Variants in SCN2A observed in about 807,000 individuals in gnomAD.
SCN2A encodes the protein sodium voltage-gated channel alpha subunit 2, also known as sodium channel protein type 2 subunit alpha.
SCN2A carries 20 observed loss-of-function variants against 188.7 expected under a neutral mutation model. That is an observed-to-expected ratio of 0.11 (90% CI 0.07 to 0.15). The LOEUF (loss-of-function observed/expected upper bound fraction) is 0.15. Ranked by LOEUF, SCN2A falls within the 10% of genes least tolerant of loss-of-function variation. The pLI, the probability that SCN2A is intolerant of heterozygous loss-of-function variation, is 1.00. For missense variants in SCN2A, 1,278 were observed against 2,445.0 expected, an observed-to-expected ratio of 0.52 and a Z score of 10.07; for synonymous variants, 804 against 833.1, an observed-to-expected ratio of 0.97 and a Z score of 0.60.
intron 1 of SCN2A, among the ~76,000 whole-genome samples, chr2:165,288,637 A>T (rs1415188104): frequency 6.6e-6 from 1 of 151,932 alleles, no homozygotes; most frequent in Non-Finnish European, 1.5e-5. Flanking sequence ...AAAACACGTA[A>T]GTCTGGTTGT....
In SCN2A at chr2:165,373,332, G is replaced by A. The variant is rs528029184; in HGVS notation, c.3957G>A (p.Arg1319=). The change falls in exon 21 of 27, where the codon CGG becomes CGA. Residue 1319 remains arginine (R), a synonymous_variant. Coordinates refer to ENST00000375437, the MANE Select transcript of SCN2A (RefSeq NM_001040142.2). Reference sequence around the variant, plus strand: ...TGAGGCCACTGAGAGCTTTGTCCCGGTTTGAAGGAATGAGGGTAAGACTGA... The same window carrying A: ...TGAGGCCACTGAGAGCTTTGTCCCGATTTGAAGGAATGAGGGTAAGACTGA... ...RALRPLRALS[R]FEGMRVVVNA... 6.2e-7 allele frequency: 1 copy of A among 1,613,250 alleles called. No individual in the cohort carries two copies. The highest frequency in any genetic ancestry group is 1.3e-5 in the African/African-American group (1 of 74,984).
intron 1 of SCN2A, chr2:165,274,420 C>T (rs1414046970): frequency 1.3e-5 from 2 of 149,890 alleles, no homozygotes; most frequent in Non-Finnish European, 3.0e-5. Context: ...ATTGAGTGAA[C>T]CGAGGAACAG....
At chr2:165,377,671 A>G in intron 23 of SCN2A, 21 bp downstream of exon 23, 4 of 1,585,490 alleles carry the variant, frequency 2.5e-6, no homozygotes, top group Non-Finnish European at 3.5e-6. Flanking sequence ...TTAGAGGGAA[A>G]TTGTTTAGTT....
chr2:165,311,634 A>C (rs1258123828), intron 7 of SCN2A, among the ~76,000 whole-genome samples: 1 of 152,102 alleles, frequency 6.6e-6, no homozygotes, highest in East Asian at 1.9e-4. Flanking sequence ...TATGTAAGGT[A>C]AAATTTATTT....
At chr2:165,240,952 T>C (rs1311862413) in intron 1 of SCN2A, 1 of 152,170 alleles carries the variant, frequency 6.6e-6, no homozygotes, top group Non-Finnish European at 1.5e-5. Context: ...CCCATTATCA[T>C]TTAAAGAAAA....
chr2:165,367,129 GTAA>G, intron 18 of SCN2A, 85 bp from the exon 19 acceptor site: 1 of 1,224,780 alleles, frequency 8.2e-7, no homozygotes, highest in South Asian at 1.2e-5. Context: ...GTATTATCAG[GTAA>G]TAATGTAAAT....
chr2:165,357,703 C>G (rs1267556338), intron 17 of SCN2A, among the ~76,000 whole-genome samples: 1 of 152,144 alleles, frequency 6.6e-6, no homozygotes, highest in African/African-American at 2.4e-5. Context: ...GCTTGAATGA[C>G]TATTTTTCGA....
At chr2:165,365,451 A>G (rs556397442) in intron 18 of SCN2A, among the ~76,000 whole-genome samples, 188 bp downstream of exon 18, 3 of 131,628 alleles carry the variant, frequency 2.3e-5, no homozygotes, top group Non-Finnish European at 4.9e-5. Flanking sequence ...TTTTTTTTGC[A>G]TTTGCTGTTT....
intron 3 of SCN2A, among the ~76,000 whole-genome samples, chr2:165,306,511 T>C (rs1697144202): frequency 2.7e-4 from 1 of 3,714 alleles, no homozygotes; most frequent in Non-Finnish European, 1.1e-3. Context: ...ATTTTGTGTG[T>C]GTGTGTGTGT....
chr2:165,375,368 A>AGT (rs3030660), intron 22 of SCN2A, among the ~76,000 whole-genome samples: 47,653 of 149,624 alleles, frequency 0.32, 7,878 homozygotes, highest in Admixed American at 0.41. Context: ...GATAAAGAAA[A>AGT]GTGTGTGTGT....
At position 165,344,600 on chromosome 2, in the gene SCN2A, C is replaced by T; in HGVS notation, c.2608C>T (p.Leu870=). The change falls in exon 16 of 27, where the codon CTA becomes TTA. Residue 870 remains leucine (L), a synonymous_variant. Transcript: ENST00000375437. ...LAKSWPTLNM[L]IKIIGNSVGA... Reference sequence around the variant, plus strand: ...AAAATCTTGGCCAACTCTAAATATGCTAATTAAGATCATTGGCAATTCTGT... The same window carrying T: ...AAAATCTTGGCCAACTCTAAATATGTTAATTAAGATCATTGGCAATTCTGT... The T allele has an allele frequency of 1.9e-6, 3 of 1,614,078 alleles. No homozygotes were observed. In the South Asian group the frequency reaches 3.3e-5, roughly 18 times the overall value.
chr2:165,313,169 C>T (rs895565316), intron 8 of SCN2A, among the ~76,000 whole-genome samples: 3 of 152,024 alleles, frequency 2.0e-5, no homozygotes, highest in Admixed American at 6.6e-5. Context: ...CTTCAAGGTC[C>T]TCCTATGACA....
At chr2:165,291,351 CGTTCCTT>C (rs1487566054) in intron 1 of SCN2A, among the ~76,000 whole-genome samples, 5 of 29,136 alleles carry the variant, frequency 1.7e-4, no homozygotes, top group South Asian at 8.7e-4. Context: ...GTCTGTCGTT[CGTTCCTT>C]CCTTCCTTCC....
rs533641406 is a variant in SCN2A at position 165,377,929 on chromosome 2, T to C, written c.4308+279T>C. Among the ~76,000 whole-genome samples, 3 of 151,994 alleles carry C rather than the reference T, an allele frequency of 2.0e-5. No individual in the cohort carries two copies. The South Asian group carries it at 6.2e-4, about 32-fold the overall frequency. On this transcript the variant is annotated intron_variant, in intron 23 of 26. Transcript: ENST00000375437. ...TGTATTTTCAAAATGAGACATTTTA[T>C]TTTTGGCTCTGATAGTCCTGGTCAT...
At chr2:165,358,099 GA>G (rs1306397635) in intron 17 of SCN2A, among the ~76,000 whole-genome samples, 1 of 152,134 alleles carries the variant, frequency 6.6e-6, no homozygotes, top group Non-Finnish European at 1.5e-5. Flanking sequence ...TTTATTCAAT[GA>G]AAAGTAAAAG....
chr2:165,293,392 C>T lies in SCN2A; in HGVS notation c.-51-2381C>T, dbSNP rs74395080. ...CATTGTGTGTACCTCATAGAGTGTA[C>T]GTAAAACCTAGATGGTAGAGCCTAT... On this transcript the variant is annotated intron_variant, in intron 1 of 26. Transcript: ENST00000375437. 5.0e-3 allele frequency among the ~76,000 whole-genome samples: 764 copies of T among 152,110 alleles called. 6 individuals carry two copies. The highest frequency in any genetic ancestry group is 0.018 in the African/African-American group (731 of 41,488).
rs796053128 is a variant in SCN2A at position 165,365,177 on chromosome 2, C to T, written c.3434C>T (p.Thr1145Met). Residue 1145 changes from threonine (T) to methionine (M), a missense_variant, in exon 18 of 27, where the codon ACG becomes ATG. Coordinates refer to ENST00000375437, the MANE Select transcript of SCN2A (RefSeq NM_001040142.2). ...LNATSSSEGS[T>M]VDIGAPAEGE... ...GCAACTAGTTCATCTGAAGGCAGCA[C>T]GGTTGATATTGGAGCTCCCGCCGAG... 2.5e-6 allele frequency: 4 copies of T among 1,613,454 alleles called. No homozygotes were observed. The highest frequency in any genetic ancestry group is 2.2e-5 in the East Asian group (1 of 44,850).
At chr2:165,354,157 T>A in intron 16 of SCN2A, 35 bp from the exon 17 acceptor site, 1 of 1,612,504 alleles carries the variant, frequency 6.2e-7, no homozygotes, top group Non-Finnish European at 8.5e-7. Context: ...AGCAATAGAA[T>A]GTTTTGATCA....
chr2:165,319,078 C>G (rs1039695374), intron 11 of SCN2A, among the ~76,000 whole-genome samples: 4 of 152,152 alleles, frequency 2.6e-5, no homozygotes, highest in African/African-American at 9.7e-5. Flanking sequence ...TGGCTCATGC[C>G]TGTAATCCCA....
Sources: allele counts gnomAD v4.1 joint callset (sites outside exome capture counted in the v4.1 genomes callset), GRCh38; gene constraint gnomAD v4.1.1; transcripts MANE v1.5; gene names NCBI Gene and HGNC (gene_info 2026-07-23, HGNC 2026-07-21).